PCDH15: variants seen among roughly 807,000 people sequenced by gnomAD.
PCDH15 encodes the protein protocadherin-15.
PCDH15 carries 129 observed loss-of-function variants against 178.5 expected under a neutral mutation model. The ratio of observed to expected loss-of-function variants is 0.72; its 90% CI spans 0.63 to 0.84. PCDH15 has a LOEUF of 0.84. Among genes scored for constraint, PCDH15 ranks in the 40% least tolerant of loss-of-function variants. PCDH15 has a pLI of 0.00. For missense variants in PCDH15, 2,230 were observed against 2,099.9 expected, an observed-to-expected ratio of 1.06 and a Z score of -1.21; for synonymous variants, 800 against 732.0, an observed-to-expected ratio of 1.09 and a Z score of -1.50.
At chr10:55,116,906 A>T (rs1171765846) in intron 2 of PCDH15, among the ~76,000 whole-genome samples, 1 of 152,180 alleles carries the variant, frequency 6.6e-6, no homozygotes, top group Non-Finnish European at 1.5e-5. Flanking sequence ...CTCTGAAGAC[A>T]CATGGAACAG....
chr10:54,535,732 AAAG>A (rs1565532160), intron 2 of PCDH15, among the ~76,000 whole-genome samples: 3 of 150,938 alleles, frequency 2.0e-5, no homozygotes, highest in African/African-American at 7.3e-5. Context: ...AAAAAAAAAA[AAAG>A]AAGTTTAAGG....
intron 8 of PCDH15, among the ~76,000 whole-genome samples, chr10:54,249,217 A>G (rs12263650): frequency 0.044 from 6,762 of 152,126 alleles, 385 homozygotes; most frequent in African/African-American, 0.13. Flanking sequence ...AATTTTGTTG[A>G]CATTTTCATC....
At chr10:54,610,970 T>A (rs948746168) in intron 2 of PCDH15, among the ~76,000 whole-genome samples, 1 of 151,884 alleles carries the variant, frequency 6.6e-6, no homozygotes, top group African/African-American at 2.4e-5. Flanking sequence ...ATTTGCTTCT[T>A]ATACTAGTAA....
chr10:55,546,490 T>G (rs1378568699), intron 2 of PCDH15, among the ~76,000 whole-genome samples: 1 of 152,182 alleles, frequency 6.6e-6, no homozygotes, highest in African/African-American at 2.4e-5. Flanking sequence ...TCATTTATTA[T>G]TTTCTGTCTT....
intron 2 of PCDH15, among the ~76,000 whole-genome samples, chr10:55,613,480 A>G (rs1843412681): frequency 6.6e-6 from 1 of 152,202 alleles, no homozygotes; most frequent in Non-Finnish European, 1.5e-5. Flanking sequence ...CAACTTTCAA[A>G]CAGTTATGCT....
intron 1 of PCDH15, among the ~76,000 whole-genome samples, chr10:55,210,258 T>C (rs866536753): frequency 6.6e-6 from 1 of 152,042 alleles, no homozygotes; most frequent in South Asian, 2.1e-4. Flanking sequence ...GGGCCACGAA[T>C]AACAGAAAAT....
intron 3 of PCDH15, among the ~76,000 whole-genome samples, chr10:54,835,342 C>T (rs905591666): frequency 1.7e-4 from 26 of 152,222 alleles, no homozygotes; most frequent in Middle Eastern, 6.8e-3. Context: ...CTATCGACTT[C>T]CTGTTGGTTT....
intron 2 of PCDH15, among the ~76,000 whole-genome samples, chr10:55,504,406 T>C (rs1229495536): frequency 6.6e-6 from 1 of 151,438 alleles, no homozygotes. Context: ...TGCTCACATA[T>C]TGTAAATGAG....
At chr10:54,143,272 T>C (rs964356854) in intron 14 of PCDH15, among the ~76,000 whole-genome samples, 2 of 152,164 alleles carry the variant, frequency 1.3e-5, no homozygotes, top group South Asian at 2.1e-4. Context: ...TTAATATAAG[T>C]TGTCAGTAAT....
intron 3 of PCDH15, among the ~76,000 whole-genome samples, chr10:54,868,804 C>T (rs1953984324): frequency 6.6e-6 from 1 of 151,936 alleles, no homozygotes; most frequent in Non-Finnish European, 1.5e-5. Context: ...ATTATCTGTA[C>T]TACTAATCAT....
Position 55,301,986 on chromosome 10 carries a change from G to A in PCDH15, c.-156+17613C>T, listed in dbSNP as rs1483709386. 2.0e-4 allele frequency among the ~76,000 whole-genome samples: 30 copies of A among 152,094 alleles called. 1 individual carries two copies. Among genetic ancestry groups the A allele is most frequent in the Admixed American group, 2.0e-3 (30 of 15,252 alleles). ...AAAACAGCACTGTCTTGATTATCGTGACTAGAAAATTAGACGAAGTTAGTA... is the reference window on the plus strand; with the variant it reads ...AAAACAGCACTGTCTTGATTATCGTAACTAGAAAATTAGACGAAGTTAGTA... On this transcript the variant is annotated intron_variant, in intron 1 of 5. Coordinates refer to the PCDH15 transcript ENST00000458638.
chr10:55,513,866 C>T (rs190267662), intron 2 of PCDH15, among the ~76,000 whole-genome samples: 6 of 152,092 alleles, frequency 3.9e-5, no homozygotes, highest in Non-Finnish European at 7.4e-5. Context: ...TCCTAATCTT[C>T]TACTTCAATT....
intron 13 of PCDH15, among the ~76,000 whole-genome samples, chr10:54,175,833 GT>G (rs2133699152): frequency 6.6e-6 from 1 of 151,976 alleles, no homozygotes; most frequent in Non-Finnish European, 1.5e-5. Context: ...TATGTTCAAA[GT>G]TTTTTCCTAT....
At chr10:54,616,522 G>A (rs1159061971) in intron 2 of PCDH15, among the ~76,000 whole-genome samples, 1 of 152,090 alleles carries the variant, frequency 6.6e-6, no homozygotes, top group Admixed American at 6.6e-5. Context: ...GGATGTGCTT[G>A]TTAAAATGCA....
intron 3 of PCDH15, among the ~76,000 whole-genome samples, chr10:54,451,510 T>G (rs565682470): frequency 6.6e-6 from 1 of 152,040 alleles, no homozygotes; most frequent in South Asian, 2.1e-4. Context: ...TAAAAATTAT[T>G]TTGTCATTTT....
At chr10:54,075,419 CTT>C (rs754944808) in intron 17 of PCDH15, among the ~76,000 whole-genome samples, 30 of 152,008 alleles carry the variant, frequency 2.0e-4, no homozygotes, top group African/African-American at 2.7e-4. Flanking sequence ...ATATTAATGA[CTT>C]ATCATATATA....
chr10:55,491,792 T>G (rs1377467362), intron 2 of PCDH15, among the ~76,000 whole-genome samples: 1 of 151,492 alleles, frequency 6.6e-6, no homozygotes, highest in Non-Finnish European at 1.5e-5. Flanking sequence ...AAAGCAAATA[T>G]GGCAGAACAG....
Position 54,664,190 on chromosome 10 carries a change from A to T in PCDH15, c.73T>A (p.Leu25Met). 1 of 1,612,302 alleles carries T rather than the reference A, an allele frequency of 6.2e-7. No homozygotes were observed. The highest frequency in any genetic ancestry group is 1.1e-5 in the South Asian group (1 of 91,022). ...IILGSLFEIC[L>M]GQYDDDCKLA... ...ACCTTACCATCATCATACTGGCCCA[A>T]GCAGATTTCAAAGAGAGAGCCCAGG... The change falls in exon 2 of 38, where the codon TTG becomes ATG. Residue 25 changes from leucine (L) to methionine (M), a missense_variant. Physicochemically the swap from Leu to Met is conservative, Grantham distance 15 (BLOSUM62 2). Coordinates refer to ENST00000644397, the MANE Select transcript of PCDH15 (RefSeq NM_001384140.1).
At position 54,764,226 on chromosome 10, in the gene PCDH15, T is replaced by C. The variant is rs544359029; in HGVS notation, c.-29+36699A>G. Among the ~76,000 whole-genome samples, 11 of 152,196 alleles carry C rather than the reference T, an allele frequency of 7.2e-5. No homozygotes were observed. The South Asian group carries it at 2.1e-3, about 29-fold the overall frequency. On this transcript the variant is annotated intron_variant, in intron 1 of 37. Coordinates refer to ENST00000644397, the MANE Select transcript of PCDH15 (RefSeq NM_001384140.1). ...CACTGAATGAGCTTGCCATATCAGA[T>C]ATAGAAATTTTGAGATTTGCTAATT...
Sources: allele counts gnomAD v4.1 joint callset (sites outside exome capture counted in the v4.1 genomes callset), GRCh38; gene constraint gnomAD v4.1.1; transcripts MANE v1.5; gene names NCBI Gene and HGNC (gene_info 2026-07-23, HGNC 2026-07-21).